The following THSD7A variants were observed in gnomAD, a reference collection of about 807,000 sequenced individuals.
THSD7A encodes thrombospondin type 1 domain containing 7A.
THSD7A carries 96 observed loss-of-function variants against 231.3 expected under a neutral mutation model. The ratio of observed to expected loss-of-function variants is 0.41; its 90% CI spans 0.35 to 0.49. The LOEUF (loss-of-function observed/expected upper bound fraction) is 0.49. Among genes scored for constraint, THSD7A ranks in the 20% least tolerant of loss-of-function variants. The probability of loss-of-function intolerance (pLI) is 0.05; values close to 1 mark genes in which losing one functional copy is unlikely to be tolerated. For synonymous variants in THSD7A, 940 were observed against 743.3 expected, an observed-to-expected ratio of 1.26 and a Z score of -4.30; for missense variants, 2,290 against 2,070.2, an observed-to-expected ratio of 1.11 and a Z score of -2.06.
At chr7:11,583,974 C>CT (rs1791282210) in intron 4 of THSD7A, among the ~76,000 whole-genome samples, 1 of 152,198 alleles carries the variant, frequency 6.6e-6, no homozygotes, top group South Asian at 2.1e-4. Flanking sequence ...TCATCTCCCT[C>CT]TACAGGTAAG....
At chr7:11,533,263 C>A (rs1264009907) in intron 6 of THSD7A, among the ~76,000 whole-genome samples, 1 of 152,086 alleles carries the variant, frequency 6.6e-6, no homozygotes, top group African/African-American at 2.4e-5. Flanking sequence ...GAGAAAGTTC[C>A]TCGGCTACAA....
In THSD7A at chr7:11,474,886, A is replaced by C. The variant is rs1786094139; in HGVS notation, c.2018-318T>G. Among the ~76,000 whole-genome samples the C allele has an allele frequency of 6.6e-6, 1 of 152,202 alleles. No individual in the cohort carries two copies. The highest frequency in any genetic ancestry group is 2.1e-4 in the South Asian group (1 of 4,830). The stretch of plus-strand genomic sequence containing the variant: ...TATTTAGTATAACTGGGATTCAAGG[A>C]GTACAATTTCACTACTTTTTGGAGT... On this transcript the variant is annotated intron_variant, in intron 7 of 27. Transcript: ENST00000423059. This position sits in a 1 kb window ranked among gnomAD's most constrained non-coding sequence, Gnocchi z 4.1.
intron 1 of THSD7A, among the ~76,000 whole-genome samples, chr7:11,664,698 A>G (rs1783055220): frequency 6.6e-6 from 1 of 152,022 alleles, no homozygotes; most frequent in South Asian, 2.1e-4. Flanking sequence ...AGAAAAGAGT[A>G]GCAGAACAGA....
intron 1 of THSD7A, among the ~76,000 whole-genome samples, chr7:11,768,497 C>A (rs1026547707): frequency 2.6e-5 from 4 of 152,116 alleles, no homozygotes; most frequent in African/African-American, 9.7e-5. Context: ...GACTGAAAGC[C>A]TCTTTACAGG....
intron 4 of THSD7A, among the ~76,000 whole-genome samples, chr7:11,575,239 A>G (rs1385866731): frequency 1.3e-5 from 2 of 152,094 alleles, no homozygotes; most frequent in Admixed American, 6.5e-5. Context: ...TTTTTTCTTG[A>G]AGGAAATACT....
chr7:11,668,566 GT>G (rs1056539958), intron 1 of THSD7A, among the ~76,000 whole-genome samples: 1 of 151,960 alleles, frequency 6.6e-6, no homozygotes, highest in Non-Finnish European at 1.5e-5. Flanking sequence ...GAAGCAGTAT[GT>G]TTTTTTAAGC....
intron 1 of THSD7A, among the ~76,000 whole-genome samples, chr7:11,784,248 GTA>G (rs1467981771): frequency 6.7e-6 from 1 of 149,214 alleles, no homozygotes. Context: ...GTGTGTGTGT[GTA>G]TATATATATA....
At chr7:11,779,011 A>T (rs577778835) in intron 1 of THSD7A, among the ~76,000 whole-genome samples, 3 of 152,254 alleles carry the variant, frequency 2.0e-5, no homozygotes, top group African/African-American at 7.2e-5. Context: ...GGTATCATTA[A>T]CTTTTTCACC....
chr7:11,751,312 C>A (rs1262486680), intron 1 of THSD7A: 1 of 151,950 alleles, frequency 6.6e-6, no homozygotes, highest in Non-Finnish European at 1.5e-5. Context: ...GAAAAGAGGG[C>A]AATGGCTTTT....
rs1454088990 is a variant in THSD7A at position 11,637,300 on chromosome 7, C to T, written c.191-339G>A. Among the ~76,000 whole-genome samples the T allele has an allele frequency of 6.6e-6, 1 of 152,176 alleles. No individual in the cohort carries two copies. Among genetic ancestry groups the T allele is most frequent in the East Asian group, 1.9e-4 (1 of 5,194 alleles). On this transcript the variant is annotated intron_variant, in intron 1 of 27. Transcript: ENST00000423059. This position sits in a 1 kb window ranked among gnomAD's most constrained non-coding sequence, Gnocchi z 4.2. The stretch of plus-strand genomic sequence containing the variant: ...TCAGAAATTAGTCACAGTGAAAACT[C>T]ATTACTCCGGCCTCACAATCATCAA...
chr7:11,430,214 G>T (rs976602173), intron 13 of THSD7A, among the ~76,000 whole-genome samples: 1 of 152,084 alleles, frequency 6.6e-6, no homozygotes, highest in Non-Finnish European at 1.5e-5. Flanking sequence ...AATTTATGGA[G>T]ATATAATTCA....
At chr7:11,703,240 T>C (rs975610981) in intron 1 of THSD7A, among the ~76,000 whole-genome samples, 4 of 151,240 alleles carry the variant, frequency 2.6e-5, no homozygotes, top group Admixed American at 2.6e-4. Flanking sequence ...ATATTTTTTT[T>C]CCCAAACTGT....
chr7:11,629,789 C>G (rs764209809), intron 2 of THSD7A, among the ~76,000 whole-genome samples: 13 of 152,138 alleles, frequency 8.5e-5, no homozygotes, highest in Admixed American at 5.9e-4. Context: ...TTAATTAACT[C>G]TCTGCCAAGA....
chr7:11,668,063 G>T (rs1242071360), intron 1 of THSD7A, among the ~76,000 whole-genome samples: 2 of 152,108 alleles, frequency 1.3e-5, no homozygotes, highest in African/African-American at 4.8e-5. Context: ...AACAAACTGT[G>T]CCAGGAAGTA....
chr7:11,436,679 GTT>G (rs55972329), intron 13 of THSD7A, among the ~76,000 whole-genome samples: 26 of 145,548 alleles, frequency 1.8e-4, no homozygotes, highest in African/African-American at 5.8e-4. Context: ...TTTAAAGTAG[GTT>G]TTTTTTTTTT....
chr7:11,777,106 T>C (rs563808982), intron 1 of THSD7A, among the ~76,000 whole-genome samples: 1 of 152,260 alleles, frequency 6.6e-6, no homozygotes, highest in African/African-American at 2.4e-5. Flanking sequence ...CCAGAGATAA[T>C]GTGCGAGCGA....
At chr7:11,620,011 C>T (rs1054406902) in intron 2 of THSD7A, among the ~76,000 whole-genome samples, 1 of 152,074 alleles carries the variant, frequency 6.6e-6, no homozygotes, top group Non-Finnish European at 1.5e-5. Context: ...CTACTTCTCT[C>T]AGATAAAAAG....
In THSD7A at chr7:11,474,618, C is replaced by G. The variant is rs1275645774; in HGVS notation, c.2018-50G>C. On this transcript the variant is annotated intron_variant, in intron 7 of 27. Coordinates refer to ENST00000423059, the MANE Select transcript of THSD7A (RefSeq NM_015204.3). The surrounding 1 kb of genome is among the most constrained non-coding windows in gnomAD (Gnocchi z 4.1). ...AATTAGATACGGTGCCAACAGGAAC[C>G]TTACCATACTCTGTTCTTTGGAATT... 7.0e-7 allele frequency: 1 copy of G among 1,428,830 alleles called. No individual in the cohort carries two copies. The highest frequency in any genetic ancestry group is 9.6e-7 in the Non-Finnish European group (1 of 1,037,302). 88.5% of individuals were successfully genotyped at this position (1,428,830 alleles called of 1,614,324 possible).
At chr7:11,789,891 G>A (rs1183954453) in intron 1 of THSD7A, among the ~76,000 whole-genome samples, 1 of 151,922 alleles carries the variant, frequency 6.6e-6, no homozygotes, top group East Asian at 1.9e-4. Context: ...CTTGTAGGCA[G>A]GATTTATATG....
Sources: allele counts gnomAD v4.1 joint callset (sites outside exome capture counted in the v4.1 genomes callset), GRCh38; gene constraint gnomAD v4.1.1; non-coding constraint Gnocchi (gnomAD v3.1); transcripts MANE v1.5; gene names NCBI Gene and HGNC (gene_info 2026-07-23, HGNC 2026-07-21).